CPNE4: variants seen among roughly 807,000 people sequenced by gnomAD.
CPNE4 encodes the protein copine-4.
In CPNE4, 25 loss-of-function variants were observed where a neutral mutation model predicts 67.9. That is an observed-to-expected ratio of 0.37 (90% CI 0.27 to 0.51). CPNE4 has a LOEUF of 0.51. CPNE4 is among the 20% of genes least tolerant of loss of function. CPNE4 has a pLI of 0.93. For synonymous variants in CPNE4, 242 were observed against 244.9 expected, an observed-to-expected ratio of 0.99 and a Z score of 0.11; for missense variants, 464 against 690.8, an observed-to-expected ratio of 0.67 and a Z score of 3.68.
At chr3:132,009,949 C>T (rs1162667170) in intron 1 of CPNE4, among the ~76,000 whole-genome samples, 1 of 152,184 alleles carries the variant, frequency 6.6e-6, no homozygotes, top group Non-Finnish European at 1.5e-5. Context: ...AAATGTCAAT[C>T]ATGCTGAAGT....
At chr3:131,828,633 C>A (rs2085257688) in intron 2 of CPNE4, among the ~76,000 whole-genome samples, 1 of 152,102 alleles carries the variant, frequency 6.6e-6, no homozygotes, top group African/African-American at 2.4e-5. Context: ...ATTTCTTTCT[C>A]TTGGATGAAT....
chr3:131,811,772 G>A (rs981373443), intron 2 of CPNE4, among the ~76,000 whole-genome samples: 2 of 152,116 alleles, frequency 1.3e-5, no homozygotes, highest in Admixed American at 6.5e-5. Context: ...TACTTAGGAA[G>A]CATGGATATT....
chr3:131,918,432 A>C (rs1445308846), intron 1 of CPNE4, among the ~76,000 whole-genome samples: 2 of 152,226 alleles, frequency 1.3e-5, no homozygotes, highest in African/African-American at 4.8e-5. Flanking sequence ...TTCTATCTTC[A>C]TGGAGTTTCC....
chr3:131,826,337 G>A (rs2107982347), intron 2 of CPNE4, among the ~76,000 whole-genome samples: 1 of 152,118 alleles, frequency 6.6e-6, no homozygotes, highest in Non-Finnish European at 1.5e-5. Flanking sequence ...GACCACAGGT[G>A]CTTGCCACCA....
At chr3:131,917,873 T>G (rs2070614023) in intron 1 of CPNE4, among the ~76,000 whole-genome samples, 1 of 152,148 alleles carries the variant, frequency 6.6e-6, no homozygotes, top group Admixed American at 6.6e-5. Flanking sequence ...TCTGTGGATT[T>G]CTAGTTCTCA....
chr3:131,825,399 C>T (rs1212526769), intron 2 of CPNE4, among the ~76,000 whole-genome samples: 1 of 150,978 alleles, frequency 6.6e-6, no homozygotes, highest in Non-Finnish European at 1.5e-5. Context: ...GAGGCTGAGG[C>T]AGGGGAATCA....
chr3:131,717,898 C>A (rs1374446377), intron 3 of CPNE4, among the ~76,000 whole-genome samples: 9 of 110,046 alleles, frequency 8.2e-5, no homozygotes, highest in Non-Finnish European at 1.4e-4. Context: ...TTCTTTCTTT[C>A]TTTCTTTCTT....
chr3:131,697,112 G>T (rs1201091673), intron 4 of CPNE4, among the ~76,000 whole-genome samples: 3 of 151,990 alleles, frequency 2.0e-5, no homozygotes, highest in Non-Finnish European at 4.4e-5. Context: ...TGAAGATATG[G>T]GTATACGTAA....
At chr3:131,619,054 T>C (rs889017213) in intron 7 of CPNE4, among the ~76,000 whole-genome samples, 1 of 152,068 alleles carries the variant, frequency 6.6e-6, no homozygotes, top group African/African-American at 2.4e-5. Context: ...GAAAATGACC[T>C]GGTCAAGCAG....
chr3:131,799,925 G>GTTGTGTGTGT (rs879569865), intron 2 of CPNE4, among the ~76,000 whole-genome samples: 1 of 67,510 alleles, frequency 1.5e-5, no homozygotes, highest in Non-Finnish European at 3.2e-5. Flanking sequence ...TGTGTTGTGT[G>GTTGTGTGTGT]TGTGTGTGTG....
At chr3:131,671,950 T>C (rs144672965) in intron 6 of CPNE4, among the ~76,000 whole-genome samples, 1 of 152,140 alleles carries the variant, frequency 6.6e-6, no homozygotes. Flanking sequence ...TAACCATTAT[T>C]ACTTCCCTCC....
chr3:131,979,934 T>C, intron 1 of CPNE4, among the ~76,000 whole-genome samples: 1 of 152,162 alleles, frequency 6.6e-6, no homozygotes, highest in East Asian at 1.9e-4. Flanking sequence ...AAAAAGACTA[T>C]ATTTTTCCTT....
chr3:131,748,382 A>G (rs1560232819), intron 2 of CPNE4, among the ~76,000 whole-genome samples: 1 of 152,016 alleles, frequency 6.6e-6, no homozygotes, highest in Non-Finnish European at 1.5e-5. Flanking sequence ...TTGCATCTAT[A>G]TCGTGAGGAA....
At chr3:132,016,565 G>C (rs773924710) in intron 1 of CPNE4, among the ~76,000 whole-genome samples, 1 of 152,142 alleles carries the variant, frequency 6.6e-6, no homozygotes, top group Non-Finnish European at 1.5e-5. Context: ...GGAACCCTGA[G>C]AGAGAAAAAC....
intron 2 of CPNE4, among the ~76,000 whole-genome samples, chr3:131,758,439 G>C (rs1238363542): frequency 1.3e-5 from 2 of 152,128 alleles, no homozygotes; most frequent in Non-Finnish European, 2.9e-5. Flanking sequence ...ATTTGGAATG[G>C]CTGGATTTAC....
At chr3:131,848,956 C>CAAAAAAAAAAAAAAAAAAAAAAAA (rs67407668) in intron 2 of CPNE4, among the ~76,000 whole-genome samples, 4 of 79,636 alleles carry the variant, frequency 5.0e-5, no homozygotes, top group African/African-American at 2.8e-4. Context: ...GTAGTGATTA[C>CAAAAAAAAAAAAAAAAAAAAAAAA]AAAAAAAAAA....
In CPNE4 at chr3:131,945,011, T is replaced by A. The variant is rs540076613; in HGVS notation, c.-1-39567A>T. Among the ~76,000 whole-genome samples the A allele has an allele frequency of 1.5e-4, 23 of 152,286 alleles. No homozygotes were observed. The South Asian group carries it at 4.4e-3, about 29-fold the overall frequency. Reference sequence around the variant, plus strand: ...GGGCATAGATTTTTAGATAAGTATGTGCCTGAATATAATATATGTAGGACA... The same window carrying A: ...GGGCATAGATTTTTAGATAAGTATGAGCCTGAATATAATATATGTAGGACA... On this transcript the variant is annotated intron_variant, in intron 1 of 15. Coordinates refer to ENST00000429747, the MANE Select transcript of CPNE4 (RefSeq NM_130808.3).
intron 1 of CPNE4, among the ~76,000 whole-genome samples, chr3:131,975,213 C>G (rs1209587214): frequency 6.6e-6 from 1 of 152,058 alleles, no homozygotes; most frequent in African/African-American, 2.4e-5. Context: ...TTAAATGTCC[C>G]TTTCAACACT....
At chr3:131,725,350 C>T (rs951678108) in intron 2 of CPNE4, among the ~76,000 whole-genome samples, 12 of 152,110 alleles carry the variant, frequency 7.9e-5, no homozygotes, top group Non-Finnish European at 1.3e-4. Flanking sequence ...ATGGACAATC[C>T]GGGTTGCAAG....
Sources: gnomAD v4.1 joint callset for allele counts (sites outside exome capture counted in the v4.1 genomes callset) on GRCh38, gnomAD v4.1.1 for gene constraint, MANE v1.5 for transcripts, NCBI Gene and HGNC (gene_info 2026-07-23, HGNC 2026-07-21) for gene names.